Variants in SLC15A1 observed in about 807,000 individuals in gnomAD.
SLC15A1 encodes Caco-2 oligopeptide transporter.
A neutral mutation model predicts 92.9 loss-of-function variants in SLC15A1; 83 were observed. That is an observed-to-expected ratio of 0.89 (90% CI 0.75 to 1.07). SLC15A1 has a LOEUF of 1.07. SLC15A1 is among the 50% of genes least tolerant of loss of function. SLC15A1 has a pLI of 0.00. For synonymous variants in SLC15A1, 322 were observed against 318.2 expected, an observed-to-expected ratio of 1.01 and a Z score of -0.13; for missense variants, 857 against 880.1, an observed-to-expected ratio of 0.97 and a Z score of 0.33.
At chr13:98,729,948 C>A (rs1374627597) in intron 1 of SLC15A1, among the ~76,000 whole-genome samples, 1 of 151,820 alleles carries the variant, frequency 6.6e-6, no homozygotes, top group African/African-American at 2.4e-5. Context: ...TAGGGCCGGG[C>A]GTGGTAGCTC....
chr13:98,723,613 T>C (rs2088276531), intron 5 of SLC15A1, among the ~76,000 whole-genome samples: 1 of 152,144 alleles, frequency 6.6e-6, no homozygotes, highest in Non-Finnish European at 1.5e-5. Flanking sequence ...GGACTTTATA[T>C]CCCTCCAGGG....
Position 98,684,545 on chromosome 13 carries a change from CAAAAAAAAA to C in SLC15A1, c.*170_*178del, listed in dbSNP as rs4646233. On this transcript the variant is annotated 3_prime_UTR_variant, in exon 23 of 23. Transcript: ENST00000376503. ...GGACAACAAGAGCAAAACTCTGTCT[CAAAAAAAAA>C]AAAAAAAAAAAAAAGAAAAGAAAAA... The C allele has an allele frequency of 1.3e-4, 25 of 193,346 alleles. No homozygotes were observed. Among genetic ancestry groups the C allele is most frequent in the Admixed American group, 1.1e-3 (12 of 11,326 alleles). 12.0% of individuals were successfully genotyped at this position (193,346 alleles called of 1,614,324 possible). A position where few individuals can be genotyped will look rare whatever the true frequency, so the allele number is the denominator to read the frequency against.
rs1014648859 is a variant in SLC15A1 at position 98,684,421 on chromosome 13, G to A, written c.*303C>T. On this transcript the variant is annotated 3_prime_UTR_variant, in exon 23 of 23. Coordinates refer to ENST00000376503, the MANE Select transcript of SLC15A1 (RefSeq NM_005073.4). Reference sequence around the variant, plus strand: ...ATAGCTGGGCGTGGTGGTGCATGCCGCTAATCCCAGCCACTCGGGAGGCTG... The same window carrying A: ...ATAGCTGGGCGTGGTGGTGCATGCCACTAATCCCAGCCACTCGGGAGGCTG... The A allele has an allele frequency of 9.2e-6, 2 of 218,186 alleles. No individual in the cohort carries two copies. The highest frequency in any genetic ancestry group is 5.2e-5 in the Admixed American group (1 of 19,226). The allele number at this position is 218,186 out of a possible 1,614,324, so 13.5% of individuals were successfully genotyped here. A position where few individuals can be genotyped will look rare whatever the true frequency, so the allele number is the denominator to read the frequency against.
At chr13:98,714,431 C>A (rs1450612093) in intron 9 of SLC15A1, among the ~76,000 whole-genome samples, 6 of 151,798 alleles carry the variant, frequency 4.0e-5, no homozygotes, top group Non-Finnish European at 8.8e-5. Flanking sequence ...CTGAGGCGGG[C>A]GGATCACCTG....
chr13:98,707,408 T>C (rs563892893), intron 15 of SLC15A1, among the ~76,000 whole-genome samples: 1 of 152,226 alleles, frequency 6.6e-6, no homozygotes, highest in East Asian at 1.9e-4. Flanking sequence ...AAAGGACAAA[T>C]ACCATATAAT....
At chr13:98,698,134 A>G (rs1430141537) in intron 18 of SLC15A1, among the ~76,000 whole-genome samples, 5 of 152,218 alleles carry the variant, frequency 3.3e-5, no homozygotes, top group African/African-American at 1.2e-4. Flanking sequence ...CAATTCATCA[A>G]TGTAATAGGA....
intron 1 of SLC15A1, among the ~76,000 whole-genome samples, chr13:98,747,375 C>T (rs909034599): frequency 6.6e-6 from 1 of 152,158 alleles, no homozygotes; most frequent in Non-Finnish European, 1.5e-5. Flanking sequence ...GAGCTTCTGC[C>T]TCCACCATGG....
chr13:98,685,740 C>A (rs1403961744), intron 22 of SLC15A1, among the ~76,000 whole-genome samples: 2 of 152,160 alleles, frequency 1.3e-5, no homozygotes, highest in African/African-American at 4.8e-5. Context: ...CACCTCCCAG[C>A]ACTTTGGGGG....
chr13:98,688,724 A>G, intron 18 of SLC15A1, 147 bp from the exon 19 acceptor site: 1 of 642,380 alleles, frequency 1.6e-6, no homozygotes, highest in South Asian at 2.0e-5. Flanking sequence ...AAAGACAAAA[A>G]GTGAAAAACT....
chr13:98,745,202 C>T (rs2088483087), intron 1 of SLC15A1, among the ~76,000 whole-genome samples: 1 of 152,120 alleles, frequency 6.6e-6, no homozygotes, highest in Non-Finnish European at 1.5e-5. Context: ...TACAGTTGAC[C>T]AGAAACTATG....
At chr13:98,720,284 T>C (rs904222091) in intron 7 of SLC15A1, among the ~76,000 whole-genome samples, 1 of 152,224 alleles carries the variant, frequency 6.6e-6, no homozygotes, top group African/African-American at 2.4e-5. Flanking sequence ...ACATATTCAC[T>C]TTATATTTGT....
At chr13:98,727,350 T>C (rs1431979865) in intron 1 of SLC15A1, among the ~76,000 whole-genome samples, 2 of 152,182 alleles carry the variant, frequency 1.3e-5, no homozygotes, top group South Asian at 2.1e-4. Flanking sequence ...CGATATTCCC[T>C]TCCCAAATCA....
At position 98,688,885 on chromosome 13, in the gene SLC15A1, C is replaced by A. The variant is rs1435152184; in HGVS notation, c.1467-308G>T. On this transcript the variant is annotated intron_variant, in intron 18 of 22. Coordinates refer to ENST00000376503, the MANE Select transcript of SLC15A1 (RefSeq NM_005073.4). ...TATTAAGCAGGGACTGAAGTAGATA[C>A]TGAGCCTCTTCCCTTCAAGAAGGTA... Among the ~76,000 whole-genome samples, 5 of 152,184 alleles carry A rather than the reference C, an allele frequency of 3.3e-5. No individual in the cohort carries two copies. In the East Asian group the frequency reaches 9.6e-4, roughly 29 times the overall value.
At chr13:98,739,411 T>C (rs1301802732) in intron 1 of SLC15A1, among the ~76,000 whole-genome samples, 2 of 152,188 alleles carry the variant, frequency 1.3e-5, no homozygotes, top group East Asian at 1.9e-4. Context: ...CATATTGAAA[T>C]ATAATGCTCA....
rs753410960 is a variant in SLC15A1 at position 98,711,953 on chromosome 13, G to A, written c.811-10C>T. On this transcript the variant is annotated splice_polypyrimidine_tract_variant and intron_variant, in intron 10 of 22. Transcript: ENST00000376503. ...GGGAGATGAGCCGCTCCTGTAGTTG[G>A]AGTGGGGAAGGGACAAATCAGCCAC... is the stretch of plus-strand genomic sequence containing the variant. 1.9e-6 allele frequency: 3 copies of A among 1,605,732 alleles called. No homozygotes were observed. Among genetic ancestry groups the A allele is most frequent in the Middle Eastern group, 2.2e-4 (1 of 4,544 alleles).
chr13:98,704,644 A>T (rs1566446794), intron 16 of SLC15A1, among the ~76,000 whole-genome samples: 1 of 152,166 alleles, frequency 6.6e-6, no homozygotes, highest in Non-Finnish European at 1.5e-5. Flanking sequence ...GTACCACCAC[A>T]GGAACCATAC....
chr13:98,705,310 A>T (rs1350544656), intron 16 of SLC15A1, among the ~76,000 whole-genome samples: 1 of 151,956 alleles, frequency 6.6e-6, no homozygotes, highest in Non-Finnish European at 1.5e-5. Context: ...CCACGAATCC[A>T]GAACAAGGGT....
intron 1 of SLC15A1, 50 bp downstream of exon 1, chr13:98,752,544 CG>C: frequency 7.9e-7 from 1 of 1,271,068 alleles, no homozygotes; most frequent in Non-Finnish European, 9.9e-7. Flanking sequence ...GCCCCCGCCC[CG>C]CGTAGCTCCG....
intron 1 of SLC15A1, among the ~76,000 whole-genome samples, chr13:98,744,672 C>T (rs2088478273): frequency 7.0e-6 from 1 of 142,990 alleles, no homozygotes; most frequent in Non-Finnish European, 1.5e-5. Flanking sequence ...TCATTTGAAC[C>T]TGGGAGGCAG....
Sources: gnomAD v4.1 joint callset for allele counts (sites outside exome capture counted in the v4.1 genomes callset) on GRCh38, gnomAD v4.1.1 for gene constraint, MANE v1.5 for transcripts, NCBI Gene and HGNC (gene_info 2026-07-23, HGNC 2026-07-21) for gene names.